The following STARD13 variants were observed in gnomAD, a reference collection of about 807,000 sequenced individuals.
STARD13 encodes stAR-related lipid transfer protein 13.
Under a neutral mutation model 106.4 loss-of-function variants are expected in STARD13, and 62 were observed. The ratio of observed to expected loss-of-function variants is 0.58; its 90% CI spans 0.48 to 0.72. The LOEUF is 0.72. Ranked by LOEUF, STARD13 falls within the 30% of genes least tolerant of loss-of-function variation. The pLI, the probability that STARD13 is intolerant of heterozygous loss-of-function variation, is 0.00. For missense variants in STARD13, 1,387 were observed against 1,424.0 expected (o/e 0.97, Z 0.42); for synonymous variants, 565 against 553.0 (o/e 1.02, Z -0.31).
chr13:33,453,466 G>C, the STARD13 span, among the ~76,000 whole-genome samples: 1 of 152,122 alleles, frequency 6.6e-6, no homozygotes, highest in African/African-American at 2.4e-5. Flanking sequence ...TTAAGAACAT[G>C]TTTTCTTTCA....
the STARD13 span, among the ~76,000 whole-genome samples, chr13:33,617,098 T>C: frequency 1.3e-5 from 2 of 152,244 alleles, no homozygotes; most frequent in Non-Finnish European, 2.9e-5. Context: ...ATTCTTAGTT[T>C]ATCCTCCTTT....
At chr13:33,357,872 T>G in the STARD13 span, among the ~76,000 whole-genome samples, 4 of 152,200 alleles carry the variant, frequency 2.6e-5, no homozygotes, top group South Asian at 2.1e-4. Flanking sequence ...GGGCTCTCAC[T>G]TTGGTGGCAT....
In STARD13 at chr13:33,294,767, G is replaced by A. The variant is rs116397163; in HGVS notation, c.124+55523C>T. On this transcript the variant is annotated intron_variant, in intron 1 of 5. Coordinates refer to the STARD13 transcript ENST00000567873. ...AGAGGATTACCTTCATTTACTTCAG[G>A]TAGGATTCTATAACCTCCTCCCATC... Among the ~76,000 whole-genome samples the A allele has an allele frequency of 5.1e-3, 769 of 152,072 alleles. 4 individuals carry two copies. Among genetic ancestry groups the A allele is most frequent in the African/African-American group, 0.018 (736 of 41,470 alleles).
chr13:33,524,378 A>C, the STARD13 span: 1 of 785,020 alleles, frequency 1.3e-6, no homozygotes, highest in African/African-American at 1.9e-5. Flanking sequence ...GAATCCTGTA[A>C]AAAAATTTTT....
At chr13:33,384,745 C>G in the STARD13 span, among the ~76,000 whole-genome samples, 1 of 152,150 alleles carries the variant, frequency 6.6e-6, no homozygotes, top group African/African-American at 2.4e-5. Flanking sequence ...CACTGTGGTA[C>G]TCATATCCTG....
intron 1 of STARD13, among the ~76,000 whole-genome samples, chr13:33,261,989 G>C (rs1372958838): frequency 2.0e-5 from 3 of 152,156 alleles, no homozygotes; most frequent in Admixed American, 2.0e-4. Flanking sequence ...AAGTTAGGAG[G>C]AGGAAGATGC....
chr13:33,621,993 A>T, the STARD13 span, among the ~76,000 whole-genome samples: 1 of 151,422 alleles, frequency 6.6e-6, no homozygotes, highest in Non-Finnish European at 1.5e-5. Context: ...TTAGTAGAGA[A>T]GGGGTTTCAC....
the STARD13 span, among the ~76,000 whole-genome samples, chr13:33,604,075 A>G: frequency 6.6e-6 from 1 of 152,236 alleles, no homozygotes; most frequent in Admixed American, 6.5e-5. Flanking sequence ...AGCAATCATT[A>G]TATTAAAAAT....
chr13:33,223,478 G>A (rs1020409322), intron 1 of STARD13, among the ~76,000 whole-genome samples: 2 of 152,090 alleles, frequency 1.3e-5, no homozygotes, highest in Non-Finnish European at 2.9e-5. Context: ...GGCCAATGCA[G>A]TGAAACCCCA....
At chr13:33,131,016 C>T (rs866994219) in intron 4 of STARD13, among the ~76,000 whole-genome samples, 3 of 152,204 alleles carry the variant, frequency 2.0e-5, no homozygotes, top group South Asian at 2.1e-4. Context: ...TGGGTCCCCG[C>T]GGCTTGGCAC....
intron 1 of STARD13, among the ~76,000 whole-genome samples, chr13:33,218,609 A>G (rs1404614765): frequency 6.6e-6 from 1 of 152,202 alleles, no homozygotes; most frequent in African/African-American, 2.4e-5. Context: ...CTATTCCTAC[A>G]TTATGATGCC....
chr13:33,385,793 G>C, the STARD13 span, among the ~76,000 whole-genome samples: 3 of 148,802 alleles, frequency 2.0e-5, no homozygotes, highest in African/African-American at 7.4e-5. Context: ...CCGGGTTGCA[G>C]TGAGCCGAGA....
chr13:33,156,044 G>A (rs1474111552), intron 3 of STARD13, among the ~76,000 whole-genome samples: 1 of 152,194 alleles, frequency 6.6e-6, no homozygotes, highest in African/African-American at 2.4e-5. Context: ...ATGAATGACT[G>A]CCAAACCTTG....
chr13:33,472,997 G>A, the STARD13 span, among the ~76,000 whole-genome samples: 1 of 152,130 alleles, frequency 6.6e-6, no homozygotes, highest in East Asian at 1.9e-4. Flanking sequence ...CAGGAGTAAT[G>A]CCTCATAAAC....
chr13:33,648,948 A>G, the STARD13 span, among the ~76,000 whole-genome samples: 1 of 151,040 alleles, frequency 6.6e-6, no homozygotes, highest in Non-Finnish European at 1.5e-5. Flanking sequence ...ATGCATCACC[A>G]TGCCCAGCTA....
At chr13:33,550,394 T>C in the STARD13 span, among the ~76,000 whole-genome samples, 353 of 152,348 alleles carry the variant, frequency 2.3e-3, 2 homozygotes, top group Middle Eastern at 0.034. Context: ...AGAACAGTTA[T>C]TCTGTCCTTA....
At chr13:33,303,358 C>A (rs73478156) in intron 1 of STARD13, among the ~76,000 whole-genome samples, 1,847 of 152,206 alleles carry the variant, frequency 0.012, 36 homozygotes, top group African/African-American at 0.041. Flanking sequence ...TCAGAAAGAC[C>A]AAAGCTTGGA....
the STARD13 span, among the ~76,000 whole-genome samples, chr13:33,499,938 G>T: frequency 7.9e-5 from 12 of 151,424 alleles, no homozygotes; most frequent in Non-Finnish European, 1.3e-4. Flanking sequence ...CAAATTTTTT[G>T]TTGTTGTTGT....
the STARD13 span, among the ~76,000 whole-genome samples, chr13:33,526,002 C>A: frequency 6.6e-6 from 1 of 152,266 alleles, no homozygotes; most frequent in Non-Finnish European, 1.5e-5. Context: ...CATGCCAAGT[C>A]TGATGAGAAT....
Sources: gnomAD v4.1 joint callset for allele counts (sites outside exome capture counted in the v4.1 genomes callset) on GRCh38, gnomAD v4.1.1 for gene constraint, MANE v1.5 for transcripts, NCBI Gene and HGNC (gene_info 2026-07-23, HGNC 2026-07-21) for gene names.